The following RAPGEF2 variants were observed in gnomAD, a reference collection of about 807,000 sequenced individuals.
RAPGEF2 encodes the protein Rap guanine nucleotide exchange factor 2.
In RAPGEF2, 54 loss-of-function variants were observed where a neutral mutation model predicts 186.7. The ratio of observed to expected loss-of-function variants is 0.29; its 90% CI spans 0.23 to 0.36. The LOEUF (loss-of-function observed/expected upper bound fraction) is 0.36. Among genes scored for constraint, RAPGEF2 ranks in the 10% least tolerant of loss-of-function variants. RAPGEF2 has a pLI of 1.00. For synonymous variants in RAPGEF2, 712 were observed against 705.9 expected, an observed-to-expected ratio of 1.01 and a Z score of -0.14; for missense variants, 1,532 against 2,045.0, an observed-to-expected ratio of 0.75 and a Z score of 4.84.
chr4:159,241,445 C>T lies in RAPGEF2; in HGVS notation c.525+77C>T, dbSNP rs551929708. 41 of 897,316 alleles carry T rather than the reference C, an allele frequency of 4.6e-5. 1 individual carries two copies. In the South Asian group the frequency reaches 1.9e-3, roughly 43 times the overall value. 55.6% of individuals were successfully genotyped at this position (897,316 alleles called of 1,614,324 possible). On this transcript the variant is annotated intron_variant, in intron 6 of 29. Coordinates refer to ENST00000691494, the MANE Select transcript of RAPGEF2 (RefSeq NM_001394067.2). ...TTTTGTGAAAAGATGTTTAAGTTTT[C>T]CATTTTTGACAAATCTTTTCAATTA...
rs183384374 is a variant in RAPGEF2 at position 159,192,775 on chromosome 4, A to C, written c.141-425A>C. Among the ~76,000 whole-genome samples, 329 of 152,318 alleles carry C rather than the reference A, an allele frequency of 2.2e-3. 1 individual carries two copies. Among genetic ancestry groups the C allele is most frequent in the African/African-American group, 7.3e-3 (305 of 41,576 alleles). On this transcript the variant is annotated intron_variant, in intron 2 of 29. Coordinates refer to ENST00000691494, the MANE Select transcript of RAPGEF2 (RefSeq NM_001394067.2). The stretch of plus-strand genomic sequence containing the variant: ...GCCTACTTTTATCTGAAATTCCATA[A>C]TGTGGAGTAACATTCTTGTTGAGCC...
At chr4:159,133,087 A>G (rs1741286857) in intron 1 of RAPGEF2, among the ~76,000 whole-genome samples, 1 of 152,154 alleles carries the variant, frequency 6.6e-6, no homozygotes, top group Admixed American at 6.5e-5. Flanking sequence ...AGTTATATCT[A>G]CATACATATC....
rs1750421616 is a variant in RAPGEF2 at position 159,210,575 on chromosome 4, A to C, written c.273A>C (p.Pro91=). 3 of 1,526,436 alleles carry C rather than the reference A, an allele frequency of 2.0e-6. No homozygotes were observed. The highest frequency in any genetic ancestry group is 1.7e-4 in the Middle Eastern group (1 of 5,960). 94.6% of individuals were successfully genotyped at this position (1,526,436 alleles called of 1,614,324 possible). Residue 91 remains proline, a synonymous_variant, in exon 4 of 30, where the codon CCA becomes CCC. Coordinates refer to ENST00000691494, the MANE Select transcript of RAPGEF2 (RefSeq NM_001394067.2). ...TCATCAAGGAATCCATGTTTCTTCC[A>C]AGAAGCAGGTATTGTATAGACATTC... ...SVFIKESMFL[P]RSSFGKRSAG...
intron 4 of RAPGEF2, among the ~76,000 whole-genome samples, chr4:159,232,770 C>T (rs992960086): frequency 1.3e-5 from 2 of 152,148 alleles, no homozygotes; most frequent in Non-Finnish European, 2.9e-5. Flanking sequence ...GTTCCAAGTC[C>T]TCCACATTAT....
intron 1 of RAPGEF2, among the ~76,000 whole-genome samples, chr4:159,141,965 C>T (rs2111165209): frequency 6.6e-6 from 1 of 152,264 alleles, no homozygotes; most frequent in South Asian, 2.1e-4. Context: ...CTCAGTGTAT[C>T]ACTGTTGTTG....
chr4:159,136,058 C>G (rs1447946517), intron 1 of RAPGEF2, among the ~76,000 whole-genome samples: 3 of 152,210 alleles, frequency 2.0e-5, no homozygotes, highest in Non-Finnish European at 4.4e-5. Context: ...ATACCATTAA[C>G]TGCAGATTTT....
intron 11 of RAPGEF2, chr4:159,327,784 T>A (rs1362281169): frequency 6.6e-6 from 1 of 152,108 alleles, no homozygotes; most frequent in Admixed American, 6.6e-5. Context: ...TTAAAAAAGA[T>A]AAATATTTTC....
intron 7 of RAPGEF2, among the ~76,000 whole-genome samples, chr4:159,301,410 T>G (rs1480220565): frequency 6.6e-6 from 1 of 152,184 alleles, no homozygotes; most frequent in African/African-American, 2.4e-5. Context: ...ATTGTTATCC[T>G]AATTGGTGGG....
intron 29 of RAPGEF2, among the ~76,000 whole-genome samples, chr4:159,357,022 T>A (rs543596217): frequency 1.3e-5 from 2 of 152,328 alleles, no homozygotes; most frequent in South Asian, 4.1e-4. Context: ...TATTTGCGCT[T>A]TTAATGAATT....
At chr4:159,318,035 C>G (rs1211999617) in intron 9 of RAPGEF2, among the ~76,000 whole-genome samples, 3 of 149,104 alleles carry the variant, frequency 2.0e-5, no homozygotes, top group African/African-American at 5.0e-5. Flanking sequence ...ATGATTCCTA[C>G]AAATAAATAA....
At chr4:159,275,553 T>G (rs571467872) in intron 7 of RAPGEF2, among the ~76,000 whole-genome samples, 1 of 152,270 alleles carries the variant, frequency 6.6e-6, no homozygotes, top group Non-Finnish European at 1.5e-5. Flanking sequence ...ATACTTTAAT[T>G]TTTAATTTTA....
At position 159,182,386 on chromosome 4, in the gene RAPGEF2, C is replaced by CTTTTTTTTTT. The variant is rs575743979; in HGVS notation, c.70-4238_70-4229dup. On this transcript the variant is annotated intron_variant, in intron 1 of 29. Transcript: ENST00000691494. ...AAGCTTCCTAGTATTTTCTTTTCTT[C>CTTTTTTTTTT]TTTTTTTTTTTTTTTTTTTTTTTTT... Among the ~76,000 whole-genome samples the CTTTTTTTTTT allele has an allele frequency of 3.0e-4, 26 of 85,674 alleles. No homozygotes were observed. The East Asian group carries it at 4.1e-3, about 13-fold the overall frequency. 56.2% of individuals were successfully genotyped at this position (85,674 alleles called of 152,430 possible).
Position 159,159,020 on chromosome 4 carries a change from T to TA in RAPGEF2, c.70-27620dup, listed in dbSNP as rs1258751812. ...CACTATAAAGTGTAGGTATGATCCT[T>TA]AATTTTTATATGGTGAAATGAAAGC... On this transcript the variant is annotated intron_variant, in intron 1 of 29. Transcript: ENST00000691494. 4.7e-4 allele frequency among the ~76,000 whole-genome samples: 71 copies of TA among 152,380 alleles called. 1 individual carries two copies. Among genetic ancestry groups the TA allele is most frequent in the African/African-American group, 1.7e-3 (69 of 41,588 alleles).
chr4:159,353,815 A>G lies in RAPGEF2; in HGVS notation c.4420A>G (p.Ser1474Gly), dbSNP rs774447496. The G allele has an allele frequency of 3.7e-6, 6 of 1,614,242 alleles. No individual in the cohort carries two copies. The highest frequency in any genetic ancestry group is 5.1e-6 in the Non-Finnish European group (6 of 1,180,044). Residue 1474 changes from serine to glycine, a missense_variant, in exon 28 of 30, where the codon AGT (serine) becomes GGT (glycine). By Grantham distance (56) the Ser-to-Gly change is moderately conservative. Coordinates refer to ENST00000691494, the MANE Select transcript of RAPGEF2 (RefSeq NM_001394067.2). This position sits in a 1 kb window ranked among gnomAD's most constrained non-coding sequence, Gnocchi z 4.3. ...CACAAAGTATAACAGGCAAAATCAA[A>G]GTAGAGAGAGCCTTGAACAAGCCCA... ...HSTKYNRQNQ[S>G]RESLEQAQSR...
chr4:159,339,427 A>G (rs746561517), intron 19 of RAPGEF2, 73 bp downstream of exon 19: 62 of 1,505,820 alleles, frequency 4.1e-5, no homozygotes, highest in East Asian at 6.8e-5. Flanking sequence ...GAGATGAGCA[A>G]TTTTCAAAGT....
At chr4:159,127,597 A>G (rs1404654590) in intron 1 of RAPGEF2, among the ~76,000 whole-genome samples, 1 of 152,158 alleles carries the variant, frequency 6.6e-6, no homozygotes, top group African/African-American at 2.4e-5. Context: ...AAGTGTACAT[A>G]TCTCATTTTT....
In RAPGEF2 at chr4:159,277,713, A is replaced by G. The variant is rs138652286; in HGVS notation, c.544-26629A>G. Among the ~76,000 whole-genome samples the G allele has an allele frequency of 4.1e-3, 619 of 152,328 alleles. 4 individuals carry two copies. Among genetic ancestry groups the G allele is most frequent in the African/African-American group, 0.014 (602 of 41,584 alleles). On this transcript the variant is annotated intron_variant, in intron 7 of 29. Coordinates refer to ENST00000691494, the MANE Select transcript of RAPGEF2 (RefSeq NM_001394067.2). ...ATTTTTTCACATATCTGTTGGCTGC[A>G]TAAATGTCTTCTTTTGTGAAGTGTC...
chr4:159,322,270 A>AC, intron 9 of RAPGEF2, 77 bp from the exon 10 acceptor site: 1 of 1,349,846 alleles, frequency 7.4e-7, no homozygotes, highest in East Asian at 2.4e-5. Flanking sequence ...AAAAGAAAGG[A>AC]CCCTAAAACA....
intron 26 of RAPGEF2, among the ~76,000 whole-genome samples, chr4:159,350,579 A>T (rs1731036334): frequency 6.6e-6 from 1 of 152,188 alleles, no homozygotes; most frequent in Non-Finnish European, 1.5e-5. Flanking sequence ...TTTATATTAC[A>T]ATTTGTTCTA....
Sources: gnomAD v4.1 joint callset for allele counts (sites outside exome capture counted in the v4.1 genomes callset) on GRCh38, gnomAD v4.1.1 for gene constraint, Gnocchi (gnomAD v3.1) non-coding constraint, MANE v1.5 for transcripts, NCBI Gene and HGNC (gene_info 2026-07-23, HGNC 2026-07-21) for gene names.